The following SNX6 variants were observed in gnomAD, a reference collection of about 807,000 sequenced individuals.
SNX6 encodes sorting nexin-6.
In SNX6, 34 loss-of-function variants were observed where a neutral mutation model predicts 63.0. That is an observed-to-expected ratio of 0.54 (90% CI 0.41 to 0.72). The LOEUF (loss-of-function observed/expected upper bound fraction) is 0.72. Among genes scored for constraint, SNX6 ranks in the 30% least tolerant of loss-of-function variants. The pLI, the probability that SNX6 is intolerant of heterozygous loss-of-function variation, is 0.00. For synonymous variants in SNX6, 170 were observed against 164.2 expected, an observed-to-expected ratio of 1.04 and a Z score of -0.27; for missense variants, 398 against 471.4, an observed-to-expected ratio of 0.84 and a Z score of 1.44.
At chr14:34,607,520 G>A (rs190108110) in intron 4 of SNX6, among the ~76,000 whole-genome samples, 22 of 152,238 alleles carry the variant, frequency 1.4e-4, no homozygotes, top group Non-Finnish European at 2.9e-4. Flanking sequence ...TGAGGCAGGG[G>A]AATCGCCTGA....
intron 9 of SNX6, among the ~76,000 whole-genome samples, chr14:34,582,905 G>A (rs1297055154): frequency 2.0e-5 from 3 of 152,018 alleles, no homozygotes; most frequent in Non-Finnish European, 2.9e-5. Flanking sequence ...CTTGAGGCCA[G>A]GAGTTTGAGA....
chr14:34,594,854 T>C (rs1594723475), intron 7 of SNX6, among the ~76,000 whole-genome samples: 1 of 151,958 alleles, frequency 6.6e-6, no homozygotes, highest in African/African-American at 2.4e-5. Context: ...CCCAGCACTT[T>C]GGGGAGGCCG....
rs1031151753 is a variant in SNX6 at position 34,578,622 on chromosome 14, C to G, written c.835-2780G>C. 7.9e-5 allele frequency among the ~76,000 whole-genome samples: 8 copies of G among 101,332 alleles called. No individual in the cohort carries two copies. The South Asian group carries it at 1.2e-3, about 15-fold the overall frequency. The allele number at this position is 101,332 out of a possible 152,430, so 66.5% of individuals were successfully genotyped here. ...TCCAGCCTGGGTGACAGAGTGAGAT[C>G]TGTCTCAAAAAGAAAAAAAAAAAAA... On this transcript the variant is annotated intron_variant, in intron 10 of 13. Coordinates refer to ENST00000362031, the MANE Select transcript of SNX6 (RefSeq NM_152233.4).
chr14:34,583,409 TA>T (rs1882021193), intron 9 of SNX6, among the ~76,000 whole-genome samples: 1 of 151,014 alleles, frequency 6.6e-6, no homozygotes, highest in African/African-American at 2.4e-5. Context: ...AATAAATTCT[TA>T]AGTAGAAATT....
intron 8 of SNX6, among the ~76,000 whole-genome samples, chr14:34,589,341 G>A (rs759751169): frequency 3.0e-4 from 46 of 151,928 alleles, no homozygotes; most frequent in Non-Finnish European, 6.0e-4. Context: ...TGTAATCCCA[G>A]CTACTCATGA....
At chr14:34,596,537 T>TGAACCTGG (rs1187451757) in intron 7 of SNX6, among the ~76,000 whole-genome samples, 18 of 149,644 alleles carry the variant, frequency 1.2e-4, no homozygotes, top group Non-Finnish European at 2.1e-4. Context: ...GAGAATTGCT[T>TGAACCTGG]GAACCTGGGA....
At chr14:34,570,934 A>G (rs1275365667) in intron 11 of SNX6, among the ~76,000 whole-genome samples, 1 of 150,456 alleles carries the variant, frequency 6.6e-6, no homozygotes, top group Admixed American at 6.6e-5. Flanking sequence ...TGTGTTAGCC[A>G]GAATGGTCTC....
intron 2 of SNX6, among the ~76,000 whole-genome samples, chr14:34,615,555 T>A (rs771547412): frequency 1.8e-4 from 27 of 152,166 alleles, no homozygotes; most frequent in Non-Finnish European, 3.4e-4. Context: ...TAAAGCATGT[T>A]ATCCATTTAT....
chr14:34,614,011 G>GGCA (rs1198142204), intron 2 of SNX6, among the ~76,000 whole-genome samples: 1 of 151,872 alleles, frequency 6.6e-6, no homozygotes, highest in Non-Finnish European at 1.5e-5. Context: ...GGGAGGCTGA[G>GGCA]GCAGCAAACT....
At chr14:34,624,781 C>T (rs1039783077) in intron 2 of SNX6, among the ~76,000 whole-genome samples, 5 of 151,534 alleles carry the variant, frequency 3.3e-5, no homozygotes, top group African/African-American at 9.7e-5. Flanking sequence ...AGCGACAGAG[C>T]AAGACTCCGT....
chr14:34,563,754 T>TC (rs907877221), intron 13 of SNX6, among the ~76,000 whole-genome samples: 2 of 152,082 alleles, frequency 1.3e-5, no homozygotes, highest in Non-Finnish European at 2.9e-5. Context: ...TTTTTTTTTT[T>TC]CTGAGATGGA....
At chr14:34,583,998 C>A (rs979427641) in intron 9 of SNX6, among the ~76,000 whole-genome samples, 10 of 152,056 alleles carry the variant, frequency 6.6e-5, no homozygotes, top group Admixed American at 5.3e-4. Flanking sequence ...CAGGCATGCG[C>A]CACCACGCCA....
Position 34,623,204 on chromosome 14 carries a change from G to A in SNX6, c.54+6703C>T, listed in dbSNP as rs944700466. ...ATGTGTTTAAGCTAAAAAGTGTGCA[G>A]GTGCAAAACAAAATGCAAGCATCTG... On this transcript the variant is annotated intron_variant, in intron 2 of 13. Transcript: ENST00000362031. 3.7e-4 allele frequency among the ~76,000 whole-genome samples: 57 copies of A among 152,182 alleles called. 1 individual carries two copies. The highest frequency in any genetic ancestry group is 3.7e-3 in the South Asian group (18 of 4,826).
intron 6 of SNX6, among the ~76,000 whole-genome samples, chr14:34,601,660 T>C (rs1331684991): frequency 2.0e-5 from 3 of 148,632 alleles, no homozygotes; most frequent in African/African-American, 7.4e-5. Context: ...AATGGCACCA[T>C]CTTGGCTCTC....
intron 2 of SNX6, among the ~76,000 whole-genome samples, chr14:34,625,578 C>CA (rs1883795506): frequency 6.6e-6 from 1 of 151,874 alleles, no homozygotes. Context: ...ACTAAAAATA[C>CA]AAAAAAATTA....
chr14:34,626,809 T>C (rs890312922), intron 2 of SNX6, among the ~76,000 whole-genome samples: 1 of 152,088 alleles, frequency 6.6e-6, no homozygotes, highest in Admixed American at 6.6e-5. Context: ...ACTCAAAAAT[T>C]AGTATTTTTA....
At chr14:34,626,094 A>G (rs1883814669) in intron 2 of SNX6, among the ~76,000 whole-genome samples, 1 of 152,148 alleles carries the variant, frequency 6.6e-6, no homozygotes, top group South Asian at 2.1e-4. Context: ...AGGGATGATG[A>G]AATATAATGA....
At chr14:34,612,621 A>G (rs1264550903) in intron 2 of SNX6, among the ~76,000 whole-genome samples, 3 of 151,890 alleles carry the variant, frequency 2.0e-5, no homozygotes, top group African/African-American at 7.2e-5. Flanking sequence ...TTTAGTAGAG[A>G]TGGGCTTTTG....
chr14:34,607,733 C>T (rs1004552632), intron 4 of SNX6, among the ~76,000 whole-genome samples: 11 of 152,090 alleles, frequency 7.2e-5, no homozygotes, highest in Non-Finnish European at 1.6e-4. Context: ...CATGGTGAAA[C>T]CCTGTCTCTA....
Sources: allele counts gnomAD v4.1 joint callset (sites outside exome capture counted in the v4.1 genomes callset), GRCh38; gene constraint gnomAD v4.1.1; transcripts MANE v1.5; gene names NCBI Gene and HGNC (gene_info 2026-07-23, HGNC 2026-07-21).